The following UNC5B variants were observed in gnomAD, a reference collection of about 807,000 sequenced individuals.
UNC5B encodes the protein unc-5 netrin receptor B, also known as netrin receptor UNC5B.
A neutral mutation model predicts 103.7 loss-of-function variants in UNC5B; 56 were observed. The observed-to-expected ratio is 0.54, with a 90% confidence interval of 0.44 to 0.67. The LOEUF is 0.67. Among genes scored for constraint, UNC5B ranks in the 30% least tolerant of loss-of-function variants. The probability of loss-of-function intolerance (pLI) is 0.00; values close to 1 mark genes in which losing one functional copy is unlikely to be tolerated. For missense variants in UNC5B, 1,194 were observed against 1,284.5 expected, an observed-to-expected ratio of 0.93 and a Z score of 1.08; for synonymous variants, 577 against 542.0, an observed-to-expected ratio of 1.06 and a Z score of -0.90.
Position 71,213,163 on chromosome 10 carries a change from G to A in UNC5B, c.79+99G>A. 1 of 1,036,908 alleles carries A rather than the reference G, an allele frequency of 9.6e-7. No individual in the cohort carries two copies. Among genetic ancestry groups the A allele is most frequent in the Non-Finnish European group, 1.2e-6 (1 of 806,968 alleles). 64.2% of individuals were successfully genotyped at this position (1,036,908 alleles called of 1,614,324 possible). On this transcript the variant is annotated intron_variant, in intron 1 of 16. Coordinates refer to ENST00000335350, the MANE Select transcript of UNC5B (RefSeq NM_170744.5). This position sits in a 1 kb window ranked among gnomAD's most constrained non-coding sequence, Gnocchi z 4.1. ...GTCTTTCGTCGCATCGATGCGCGCA[G>A]GAAAAGCGGCAAGGGCGCCCAAGTT... is the stretch of plus-strand genomic sequence containing the variant.
intron 13 of UNC5B, among the ~76,000 whole-genome samples, chr10:71,294,262 A>G (rs1845351532): frequency 6.6e-6 from 1 of 152,206 alleles, no homozygotes; most frequent in African/African-American, 2.4e-5. Context: ...TTTCAGCAGA[A>G]AGGAGTGAAG....
In UNC5B at chr10:71,299,103, C is replaced by G; in HGVS notation, c.2673-9C>G. 6.2e-7 allele frequency: 1 copy of G among 1,614,102 alleles called. No individual in the cohort carries two copies. Among genetic ancestry groups the G allele is most frequent in the Non-Finnish European group, 8.5e-7 (1 of 1,179,956 alleles). ...TTGGGAACCTCAGTGCCCTCCTTCC[C>G]TCTGCCAGGTACCTGAATTACTTTG... On this transcript the variant is annotated splice_polypyrimidine_tract_variant and intron_variant, in intron 16 of 16. Coordinates refer to ENST00000335350, the MANE Select transcript of UNC5B (RefSeq NM_170744.5).
At chr10:71,284,407 G>T (rs1186329549) in intron 2 of UNC5B, among the ~76,000 whole-genome samples, 1 of 152,218 alleles carries the variant, frequency 6.6e-6, no homozygotes, top group Admixed American at 6.5e-5. Flanking sequence ...CTACCCGCCT[G>T]CAGGCCACTG....
intron 3 of UNC5B, 45 bp downstream of exon 3, chr10:71,284,908 C>A: frequency 5.8e-6 from 9 of 1,543,864 alleles, no homozygotes; most frequent in Non-Finnish European, 7.8e-6. Flanking sequence ...GAACCTTCCC[C>A]ATCCCTGAGG....
At chr10:71,287,873 G>T in intron 6 of UNC5B, 108 bp downstream of exon 6, 1 of 1,445,716 alleles carries the variant, frequency 6.9e-7, no homozygotes, top group Non-Finnish European at 9.2e-7. Context: ...GGAGCAGAAG[G>T]TGCTTGTCCC....
Position 71,284,694 on chromosome 10 carries a change from CT to C in UNC5B, c.305-25del, listed in dbSNP as rs1461289473. 7.4e-6 allele frequency: 12 copies of C among 1,611,834 alleles called. 1 individual carries two copies. Among genetic ancestry groups the C allele is most frequent in the Admixed American group, 5.0e-5 (3 of 60,000 alleles). ...CACATCCTTGCTTTGCCCCTGCCCCCTGACGGCTCTCTCTTCTCCTCCCAGG... is the reference window on the plus strand; with the variant it reads ...CACATCCTTGCTTTGCCCCTGCCCCCGACGGCTCTCTCTTCTCCTCCCAGG... On this transcript the variant is annotated intron_variant, in intron 2 of 16. Transcript: ENST00000335350.
Position 71,289,010 on chromosome 10 carries a change from T to C in UNC5B, c.1099+20T>C, listed in dbSNP as rs754149550. 3.1e-6 allele frequency: 5 copies of C among 1,614,112 alleles called. No individual in the cohort carries two copies. The African/African-American group carries it at 6.7e-5, about 22-fold the overall frequency. Reference sequence around the variant, plus strand: ...GCCACCGTAAGTCCCATTTCATGGCTGTCCTCTTTCCTCTGGGGGATCCCT... The same window carrying C: ...GCCACCGTAAGTCCCATTTCATGGCCGTCCTCTTTCCTCTGGGGGATCCCT... On this transcript the variant is annotated intron_variant, in intron 8 of 16. Transcript: ENST00000335350.
intron 1 of UNC5B, among the ~76,000 whole-genome samples, chr10:71,235,843 C>T (rs1427906257): frequency 1.3e-5 from 2 of 152,222 alleles, no homozygotes; most frequent in African/African-American, 4.8e-5. Context: ...AGCACCTGGT[C>T]GCATCTGGGC....
chr10:71,243,014 C>T (rs1007304619), intron 1 of UNC5B, among the ~76,000 whole-genome samples: 1 of 152,156 alleles, frequency 6.6e-6, no homozygotes, highest in Non-Finnish European at 1.5e-5. Context: ...GGGCGGATCA[C>T]CTGAGGTCAG....
At chr10:71,231,615 G>A (rs12781902) in intron 1 of UNC5B, among the ~76,000 whole-genome samples, 33,695 of 151,770 alleles carry the variant, frequency 0.22, 4,748 homozygotes, top group Non-Finnish European at 0.32. Flanking sequence ...CTTAGCAAAC[G>A]AAAAACCACA....
chr10:71,285,343 G>C lies in UNC5B; in HGVS notation c.466G>C (p.Asp156His), dbSNP rs200337007. 6.8e-6 allele frequency: 11 copies of C among 1,610,802 alleles called. No individual in the cohort carries two copies. The highest frequency in any genetic ancestry group is 9.3e-6 in the Non-Finnish European group (11 of 1,178,960). The change falls in exon 4 of 17, where the codon GAT (aspartate) becomes CAT (histidine). Residue 156 changes from aspartate (D) to histidine (H), a missense_variant. Asp to His is a moderately conservative substitution (Grantham distance 81, BLOSUM62 -1). Transcript: ENST00000335350. Reference sequence around the variant, plus strand: ...TCTCCCAGACCTGCGCAAGAACTTCGATCAGGAGCCTCTGGGCAAGGAGGT... The same window carrying C: ...TCTCCCAGACCTGCGCAAGAACTTCCATCAGGAGCCTCTGGGCAAGGAGGT... ...VRIAYLRKNF[D>H]QEPLGKEVPL...
At chr10:71,245,411 G>A (rs1162784349) in intron 1 of UNC5B, among the ~76,000 whole-genome samples, 1 of 152,170 alleles carries the variant, frequency 6.6e-6, no homozygotes, top group Admixed American at 6.5e-5. Context: ...AGTCTGGCAG[G>A]GGGGACCCTT....
At chr10:71,269,241 CT>C (rs373589886) in intron 1 of UNC5B, among the ~76,000 whole-genome samples, 36 of 148,552 alleles carry the variant, frequency 2.4e-4, no homozygotes, top group Admixed American at 6.1e-4. Context: ...TTATTTTCAT[CT>C]TTTTTTTTTC....
rs1401084563 is a variant in UNC5B at position 71,297,875 on chromosome 10, G to A, written c.2491-34G>A. The A allele has an allele frequency of 1.9e-6, 3 of 1,590,926 alleles. No individual in the cohort carries two copies. The South Asian group carries it at 3.5e-5, about 18-fold the overall frequency. On this transcript the variant is annotated intron_variant, in intron 15 of 16. Coordinates refer to ENST00000335350, the MANE Select transcript of UNC5B (RefSeq NM_170744.5). Reference sequence around the variant, plus strand: ...GGCTGGAGGGCAGATGCCCAGCACTGTGCCCCTCTCACTCTTGGCCCCCAC... The same window carrying A: ...GGCTGGAGGGCAGATGCCCAGCACTATGCCCCTCTCACTCTTGGCCCCCAC...
chr10:71,220,351 G>C (rs1342549185), intron 1 of UNC5B, among the ~76,000 whole-genome samples: 2 of 152,226 alleles, frequency 1.3e-5, no homozygotes, highest in African/African-American at 4.8e-5. Context: ...AAGTGGGTAA[G>C]AAGGGGAAGG....
intron 1 of UNC5B, among the ~76,000 whole-genome samples, chr10:71,224,363 A>G (rs1208645866): frequency 1.0e-5 from 1 of 97,386 alleles, no homozygotes; most frequent in African/African-American, 3.6e-5. Flanking sequence ...TTCTGTATGT[A>G]GACACACACA....
chr10:71,286,566 G>A, intron 4 of UNC5B, 123 bp from the exon 5 acceptor site: 1 of 1,263,660 alleles, frequency 7.9e-7, no homozygotes, highest in East Asian at 2.3e-5. Flanking sequence ...CAGTGCTATA[G>A]TCCCACCAAG....
Position 71,286,341 on chromosome 10 carries a change from C to T in UNC5B, c.553-348C>T, listed in dbSNP as rs77395723. Reference sequence around the variant, plus strand: ...GATGAAGACAGATACTCCTGGCTAGCACCTATTTAGTTAGTTTAACTCAAC... The same window carrying T: ...GATGAAGACAGATACTCCTGGCTAGTACCTATTTAGTTAGTTTAACTCAAC... On this transcript the variant is annotated intron_variant, in intron 4 of 16. Coordinates refer to ENST00000335350, the MANE Select transcript of UNC5B (RefSeq NM_170744.5). 6.2e-3 allele frequency among the ~76,000 whole-genome samples: 941 copies of T among 152,310 alleles called. 15 individuals carry two copies. The highest frequency in any genetic ancestry group is 0.022 in the African/African-American group (897 of 41,568).
chr10:71,279,536 C>T (rs1170771968), intron 1 of UNC5B, among the ~76,000 whole-genome samples: 3 of 152,318 alleles, frequency 2.0e-5, no homozygotes, highest in Non-Finnish European at 2.9e-5. Flanking sequence ...CCCGGGACCT[C>T]CTTGGCCTCT....
Sources: allele counts gnomAD v4.1 joint callset (sites outside exome capture counted in the v4.1 genomes callset), GRCh38; gene constraint gnomAD v4.1.1; non-coding constraint Gnocchi (gnomAD v3.1); transcripts MANE v1.5; gene names NCBI Gene and HGNC (gene_info 2026-07-23, HGNC 2026-07-21).